GALNT2: variants seen among roughly 807,000 people sequenced by gnomAD.
GALNT2 encodes polypeptide N-acetylgalactosaminyltransferase 2, also known as UDP-GalNAc:polypeptide N-acetylgalactosaminyltransferase 2.
In GALNT2, 31 loss-of-function variants were observed where a neutral mutation model predicts 81.4. The observed-to-expected ratio is 0.38, with a 90% CI of 0.29 to 0.51. The LOEUF (loss-of-function observed/expected upper bound fraction) is 0.51. GALNT2 is among the 20% of genes least tolerant of loss of function. GALNT2 has a pLI of 0.87. For missense variants in GALNT2, 629 were observed against 765.7 expected (o/e 0.82, Z 2.11); for synonymous variants, 303 against 287.4 (o/e 1.05, Z -0.55).
intron 2 of GALNT2, among the ~76,000 whole-genome samples, chr1:230,200,352 T>G (rs1237930080): frequency 1.3e-5 from 2 of 152,184 alleles, no homozygotes; most frequent in East Asian, 3.9e-4. Flanking sequence ...CGTGAGCCAG[T>G]GCGCCCGGCC....
intron 3 of GALNT2, among the ~76,000 whole-genome samples, chr1:230,226,451 A>AT (rs1664714116): frequency 1.3e-5 from 2 of 152,234 alleles, no homozygotes; most frequent in South Asian, 4.2e-4. Flanking sequence ...TGTTCCTTTG[A>AT]TTTTTCAAAC....
At chr1:230,135,251 C>T (rs1030891049) in intron 1 of GALNT2, among the ~76,000 whole-genome samples, 1 of 151,744 alleles carries the variant, frequency 6.6e-6, no homozygotes, top group South Asian at 2.1e-4. Flanking sequence ...GGTGGGGATG[C>T]GAGGGGTGTA....
intron 2 of GALNT2, among the ~76,000 whole-genome samples, chr1:230,199,287 T>C (rs951397784): frequency 2.0e-5 from 3 of 152,136 alleles, no homozygotes; most frequent in African/African-American, 7.2e-5. Context: ...TTGCGTGGGG[T>C]TGGGCTGGGA....
chr1:230,126,688 T>G (rs550868552), intron 1 of GALNT2, among the ~76,000 whole-genome samples: 21 of 152,156 alleles, frequency 1.4e-4, no homozygotes, highest in Non-Finnish European at 2.4e-4. Context: ...CTATGGGAAA[T>G]GTCAATGTTG....
At chr1:230,064,214 A>G (rs1262458804), upstream of GALNT2, among the ~76,000 whole-genome samples, 2 of 152,158 alleles carry the variant, frequency 1.3e-5, no homozygotes, top group East Asian at 1.9e-4. Context: ...ATTGCAGACA[A>G]TGATATTATT....
intron 1 of GALNT2, among the ~76,000 whole-genome samples, chr1:230,087,342 T>A (rs1659930465): frequency 6.6e-6 from 1 of 152,230 alleles, no homozygotes. Context: ...GCCTGTTGAT[T>A]GCACTCGAAT....
intron 10 of GALNT2, among the ~76,000 whole-genome samples, chr1:230,252,819 T>C (rs1572140745): frequency 6.6e-6 from 1 of 150,398 alleles, no homozygotes; most frequent in Non-Finnish European, 1.5e-5. Flanking sequence ...ATTTAAATTT[T>C]ATTTTCTGAA....
At position 230,095,357 on chromosome 1, in the gene GALNT2, TA is replaced by T. The variant is rs370841695; in HGVS notation, c.126+27952del. Among the ~76,000 whole-genome samples the T allele has an allele frequency of 3.7e-4, 56 of 152,300 alleles. No homozygotes were observed. In the Middle Eastern group the frequency reaches 0.01, roughly 28 times the overall value. ...TTATAGAAACTCCATGAGGCGTTTTTATTATCCCCATTTTACAGATGAAGCT... is the reference window on the plus strand; with the variant it reads ...TTATAGAAACTCCATGAGGCGTTTTTTTATCCCCATTTTACAGATGAAGCT... On this transcript the variant is annotated intron_variant, in intron 1 of 15. Transcript: ENST00000366672.
chr1:230,141,040 G>A (rs912060723), intron 1 of GALNT2, among the ~76,000 whole-genome samples: 3 of 152,142 alleles, frequency 2.0e-5, no homozygotes, highest in Non-Finnish European at 2.9e-5. Context: ...AATGACAAAC[G>A]AAACAAGAAT....
intron 1 of GALNT2, among the ~76,000 whole-genome samples, chr1:230,150,174 G>A (rs558900462): frequency 3.3e-5 from 5 of 152,170 alleles, no homozygotes; most frequent in Admixed American, 6.5e-5. Flanking sequence ...CACTGGCTCC[G>A]CCCTGGGGCC....
chr1:230,213,739 C>T (rs545798423), intron 3 of GALNT2, among the ~76,000 whole-genome samples: 1 of 152,234 alleles, frequency 6.6e-6, no homozygotes, highest in African/African-American at 2.4e-5. Context: ...TTTTTCTTCT[C>T]TGTTGGTTTG....
intron 1 of GALNT2, among the ~76,000 whole-genome samples, chr1:230,080,367 G>T (rs1424961125): frequency 2.6e-5 from 4 of 152,174 alleles, no homozygotes; most frequent in African/African-American, 9.7e-5. Flanking sequence ...TTCGAGTCCT[G>T]TTGACCCAGG....
At chr1:230,192,399 G>A (rs1042627490) in intron 2 of GALNT2, among the ~76,000 whole-genome samples, 1 of 152,200 alleles carries the variant, frequency 6.6e-6, no homozygotes, top group African/African-American at 2.4e-5. Flanking sequence ...AGTAGTCACT[G>A]GTTAACAGAT....
chr1:230,176,172 G>A (rs648456), intron 1 of GALNT2, among the ~76,000 whole-genome samples: 34,526 of 151,898 alleles, frequency 0.23, 4,704 homozygotes, highest in East Asian at 0.38. Flanking sequence ...AGGTTGAGGA[G>A]TGCTCACCCT....
intron 2 of GALNT2, among the ~76,000 whole-genome samples, chr1:230,190,221 A>T (rs548523509): frequency 6.6e-6 from 1 of 152,374 alleles, no homozygotes; most frequent in South Asian, 2.1e-4. Flanking sequence ...TTATATTCAT[A>T]CATAATTCTA....
chr1:230,077,996 A>G lies in GALNT2; in HGVS notation c.126+10590A>G, dbSNP rs565883684. Among the ~76,000 whole-genome samples, 5 of 152,344 alleles carry G rather than the reference A, an allele frequency of 3.3e-5. No individual in the cohort carries two copies. In the East Asian group the frequency reaches 9.6e-4, roughly 29 times the overall value. On this transcript the variant is annotated intron_variant, in intron 1 of 15. Coordinates refer to ENST00000366672, the MANE Select transcript of GALNT2 (RefSeq NM_004481.5). ...GTCCTGCAGATGTGGATGATTGAGCATGGGCTGGTAAGAATGCATCATGGG... is the reference window on the plus strand; with the variant it reads ...GTCCTGCAGATGTGGATGATTGAGCGTGGGCTGGTAAGAATGCATCATGGG...
intron 8 of GALNT2, 38 bp downstream of exon 8, chr1:230,246,188 C>A (rs200118716): frequency 7.0e-6 from 10 of 1,431,606 alleles, no homozygotes; most frequent in African/African-American, 5.6e-5. Flanking sequence ...TAGCTCGTCC[C>A]GTCTACACCA....
rs78157138 is a variant in GALNT2, at chr1:230,119,552, T to C, written c.126+52146T>C. ...ATTGATACTCAGTGTCTGTATCTCC[T>C]AGTTCTTTAGGCTTTCAACATTGTA... On this transcript the variant is annotated intron_variant, in intron 1 of 15. Coordinates refer to ENST00000366672, the MANE Select transcript of GALNT2 (RefSeq NM_004481.5). Among the ~76,000 whole-genome samples the C allele has an allele frequency of 4.2e-3, 643 of 152,336 alleles. 2 individuals are homozygous for C. The highest frequency in any genetic ancestry group is 0.015 in the African/African-American group (612 of 41,578).
Position 230,170,764 on chromosome 1 carries a change from AAG to A in GALNT2, c.127-7445_127-7444del, listed in dbSNP as rs775910689. On this transcript the variant is annotated intron_variant, in intron 1 of 15. Transcript: ENST00000366672. ...TGTGTCACATGGCAAGAGAGTGAGC[AAG>A]AGAGAGAGGGGAGGAGGTGCCAGGT... 1.2e-4 allele frequency among the ~76,000 whole-genome samples: 18 copies of A among 152,284 alleles called. No homozygotes were observed. The East Asian group carries it at 2.7e-3, about 23-fold the overall frequency.
Sources: gnomAD v4.1 joint callset for allele counts (sites outside exome capture counted in the v4.1 genomes callset) on GRCh38, gnomAD v4.1.1 for gene constraint, MANE v1.5 for transcripts, NCBI Gene and HGNC (gene_info 2026-07-23, HGNC 2026-07-21) for gene names.